Variants in ARFIP1 observed in about 807,000 individuals in gnomAD.
The protein encoded by ARFIP1 is arfaptin-1.
ARFIP1 carries 24 observed loss-of-function variants against 42.5 expected under a neutral mutation model. The observed-to-expected ratio is 0.57, with a 90% confidence interval of 0.41 to 0.80. The LOEUF (loss-of-function observed/expected upper bound fraction) is 0.80, where lower values mean the gene tolerates loss of function less well. ARFIP1 is among the 30% of genes least tolerant of loss of function. The pLI, the probability that ARFIP1 is intolerant of heterozygous loss-of-function variation, is 0.00. For missense variants in ARFIP1, 354 were observed against 434.0 expected, an observed-to-expected ratio of 0.82 and a Z score of 1.64; for synonymous variants, 141 against 153.7, an observed-to-expected ratio of 0.92 and a Z score of 0.61.
intron 1 of ARFIP1, among the ~76,000 whole-genome samples, chr4:152,823,608 G>A (rs1444483419): frequency 4.0e-5 from 6 of 150,744 alleles, no homozygotes; most frequent in Admixed American, 6.6e-5. Flanking sequence ...GTGAAACCCC[G>A]TCTCTACTAA....
intron 1 of ARFIP1, among the ~76,000 whole-genome samples, chr4:152,798,123 A>G (rs1177828686): frequency 6.6e-6 from 1 of 152,132 alleles, no homozygotes; most frequent in Non-Finnish European, 1.5e-5. Context: ...TGTGGCAGGC[A>G]CCTGTAATTC....
At chr4:152,795,820 A>ATTGTTTTTTTTTTTTTTTTT (rs1731416747) in intron 1 of ARFIP1, among the ~76,000 whole-genome samples, 1 of 28,066 alleles carries the variant, frequency 3.6e-5, no homozygotes, top group African/African-American at 1.5e-4. Context: ...GGCCCTTGTA[A>ATTGTTTTTTTTTTTTTTTTT]TTTTTTTTTT....
chr4:152,830,678 T>G (rs151099195), intron 2 of ARFIP1, among the ~76,000 whole-genome samples: 2 of 152,168 alleles, frequency 1.3e-5, no homozygotes, highest in African/African-American at 4.8e-5. Flanking sequence ...CAAATTGTAC[T>G]TTGTTGGGTG....
At position 152,844,793 on chromosome 4, in the gene ARFIP1, G is replaced by A. The variant is rs184802406; in HGVS notation, c.93+15067G>A. Among the ~76,000 whole-genome samples the A allele has an allele frequency of 2.0e-3, 306 of 152,170 alleles. 1 individual carries two copies. The highest frequency in any genetic ancestry group is 0.017 in the Middle Eastern group (5 of 294). On this transcript the variant is annotated intron_variant, in intron 2 of 8. Coordinates refer to ENST00000353617, the MANE Select transcript of ARFIP1 (RefSeq NM_001025595.3). ...CATTAAAATAGCCATACTGCCTAAA[G>A]CAGTCTACAGATTCAGTGCTTTTCT...
intron 2 of ARFIP1, among the ~76,000 whole-genome samples, chr4:152,841,964 A>G (rs1166280443): frequency 6.6e-6 from 1 of 151,970 alleles, no homozygotes; most frequent in Non-Finnish European, 1.5e-5. Context: ...TCGTCAGCCA[A>G]CCTCCCCAGC....
intron 1 of ARFIP1, among the ~76,000 whole-genome samples, chr4:152,810,730 G>A (rs1301882410): frequency 6.6e-6 from 1 of 152,038 alleles, no homozygotes; most frequent in East Asian, 1.9e-4. Flanking sequence ...GCAGGAGAAT[G>A]GCATGAACCT....
intron 8 of ARFIP1, among the ~76,000 whole-genome samples, chr4:152,896,563 T>A (rs2149905069): frequency 6.6e-6 from 1 of 152,272 alleles, no homozygotes; most frequent in East Asian, 1.9e-4. Flanking sequence ...TTCTTGTATT[T>A]GCACAAAGAA....
At chr4:152,895,723 G>A (rs1737265576) in intron 8 of ARFIP1, among the ~76,000 whole-genome samples, 1 of 151,282 alleles carries the variant, frequency 6.6e-6, no homozygotes, top group Non-Finnish European at 1.5e-5. Context: ...GCTAGGCCTG[G>A]ATAATTTTTT....
At chr4:152,790,187 T>TA (rs1731065561) in intron 1 of ARFIP1, among the ~76,000 whole-genome samples, 1 of 152,200 alleles carries the variant, frequency 6.6e-6, no homozygotes, top group Admixed American at 6.5e-5. Flanking sequence ...AAATTACCTG[T>TA]GAATATTGAA....
intron 2 of ARFIP1, among the ~76,000 whole-genome samples, chr4:152,855,493 A>G (rs1733356824): frequency 6.6e-6 from 1 of 152,196 alleles, no homozygotes; most frequent in Non-Finnish European, 1.5e-5. Context: ...TATGCCCCTT[A>G]GATCTCGGCC....
intron 2 of ARFIP1, among the ~76,000 whole-genome samples, chr4:152,836,629 G>A (rs934634900): frequency 9.9e-5 from 15 of 151,996 alleles, no homozygotes; most frequent in African/African-American, 3.6e-4. Context: ...CTTGATACTG[G>A]TAGTTTATTT....
intron 5 of ARFIP1, among the ~76,000 whole-genome samples, chr4:152,875,407 A>G (rs1469718016): frequency 1.4e-5 from 2 of 147,878 alleles, no homozygotes; most frequent in African/African-American, 2.5e-5. Flanking sequence ...AAAAAGAATA[A>G]TCTCTCAGTT....
intron 1 of ARFIP1, among the ~76,000 whole-genome samples, chr4:152,785,106 C>T (rs1453973130): frequency 1.3e-5 from 2 of 152,162 alleles, no homozygotes; most frequent in African/African-American, 4.8e-5. Context: ...CTCCTTGGTT[C>T]CTTGGAAGCT....
intron 8 of ARFIP1, among the ~76,000 whole-genome samples, chr4:152,904,199 T>TA (rs1554036703): frequency 0.37 from 28,710 of 77,148 alleles, 3,466 homozygotes; most frequent in Admixed American, 0.48. Flanking sequence ...TATATATATA[T>TA]TTTTTTTTTT....
chr4:152,895,535 T>C (rs1355544185), intron 8 of ARFIP1, among the ~76,000 whole-genome samples: 1 of 147,458 alleles, frequency 6.8e-6, no homozygotes, highest in African/African-American at 2.5e-5. Context: ...TACTGGTACA[T>C]GCCACTGCAC....
intron 7 of ARFIP1, among the ~76,000 whole-genome samples, chr4:152,887,028 AGAT>A (rs374609163): frequency 4.6e-5 from 7 of 152,100 alleles, no homozygotes; most frequent in Non-Finnish European, 5.9e-5. Flanking sequence ...CCAGAATAGG[AGAT>A]GTGAATTATA....
intron 1 of ARFIP1, among the ~76,000 whole-genome samples, chr4:152,824,742 AG>A (rs1730679314): frequency 6.6e-6 from 1 of 152,240 alleles, no homozygotes; most frequent in African/African-American, 2.4e-5. Flanking sequence ...ATTGGAAAAG[AG>A]GAAGTCCGGT....
intron 3 of ARFIP1, among the ~76,000 whole-genome samples, chr4:152,865,931 G>C (rs895299538): frequency 6.6e-6 from 1 of 151,924 alleles, no homozygotes; most frequent in African/African-American, 2.4e-5. Context: ...GGATTTGGCA[G>C]GGTCATAGGA....
intron 1 of ARFIP1, 89 bp from the exon 2 acceptor site, chr4:152,829,536 A>T: frequency 4.1e-6 from 3 of 739,274 alleles, no homozygotes; most frequent in South Asian, 2.9e-5. Context: ...AAAAAATATT[A>T]AAACGGTGGC....
Sources: allele counts gnomAD v4.1 joint callset (sites outside exome capture counted in the v4.1 genomes callset), GRCh38; gene constraint gnomAD v4.1.1; transcripts MANE v1.5; gene names NCBI Gene and HGNC (gene_info 2026-07-23, HGNC 2026-07-21).